Variants in WDFY2 observed in about 807,000 individuals in gnomAD.
The protein encoded by WDFY2 is WD repeat and FYVE domain-containing protein 2.
In WDFY2, 36 loss-of-function variants were observed where a neutral mutation model predicts 56.4. The observed-to-expected ratio is 0.64, with a 90% confidence interval of 0.49 to 0.84. WDFY2 has a LOEUF of 0.84. Ranked by LOEUF, WDFY2 falls within the 40% of genes least tolerant of loss-of-function variation. The pLI, the probability that WDFY2 is intolerant of heterozygous loss-of-function variation, is 0.00. For synonymous variants in WDFY2, 176 were observed against 183.7 expected, an observed-to-expected ratio of 0.96 and a Z score of 0.34; for missense variants, 444 against 512.2, an observed-to-expected ratio of 0.87 and a Z score of 1.29.
chr13:51,591,696 A>G (rs532382650), intron 1 of WDFY2: 2 of 152,314 alleles, frequency 1.3e-5, no homozygotes, highest in African/African-American at 2.4e-5. Flanking sequence ...TTCATGACCC[A>G]CTAAAGGATT....
intron 3 of WDFY2, among the ~76,000 whole-genome samples, chr13:51,693,167 T>G (rs536623434): frequency 2.6e-5 from 4 of 152,234 alleles, no homozygotes; most frequent in Non-Finnish European, 5.9e-5. Context: ...ATTAATTTTT[T>G]GAAGGTTTTT....
At chr13:51,654,542 C>A (rs1566077787) in intron 1 of WDFY2, among the ~76,000 whole-genome samples, 1 of 152,166 alleles carries the variant, frequency 6.6e-6, no homozygotes, top group Non-Finnish European at 1.5e-5. Flanking sequence ...GCCATCTTGG[C>A]TCCACCCAGA....
intron 1 of WDFY2, among the ~76,000 whole-genome samples, chr13:51,637,403 A>G (rs1234172180): frequency 6.6e-6 from 1 of 152,016 alleles, no homozygotes; most frequent in Non-Finnish European, 1.5e-5. Context: ...TGTTTGAAAT[A>G]ATTTTTTTTT....
intron 1 of WDFY2, among the ~76,000 whole-genome samples, chr13:51,630,898 C>T (rs1954939485): frequency 6.6e-6 from 1 of 151,356 alleles, no homozygotes. Flanking sequence ...CCTGCCTCAG[C>T]CTCCCAAGTA....
chr13:51,718,563 C>T (rs1450436701), intron 4 of WDFY2, among the ~76,000 whole-genome samples: 1 of 107,678 alleles, frequency 9.3e-6, no homozygotes, highest in African/African-American at 3.9e-5. Flanking sequence ...CATTCATACA[C>T]ACACACACAC....
rs563274150 is a variant in WDFY2 at position 51,617,074 on chromosome 13, A to G, written c.137+32250A>G. ...CTTAAATTTTTTGAAAATCTCCCCC[A>G]CCTCTCAAACATGTTTATTCCAATT... On this transcript the variant is annotated intron_variant, in intron 1 of 11. Coordinates refer to ENST00000298125, the MANE Select transcript of WDFY2 (RefSeq NM_052950.4). Among the ~76,000 whole-genome samples the G allele has an allele frequency of 2.7e-4, 41 of 152,338 alleles. 1 individual carries two copies. In the Middle Eastern group the frequency reaches 0.024, roughly 88 times the overall value.
intron 4 of WDFY2, among the ~76,000 whole-genome samples, chr13:51,706,746 C>A (rs977334039): frequency 6.6e-5 from 10 of 152,184 alleles, no homozygotes; most frequent in Admixed American, 2.0e-4. Context: ...AAGCTCTTTT[C>A]AGTTAGACGA....
intron 1 of WDFY2, among the ~76,000 whole-genome samples, chr13:51,605,078 G>A (rs75306857): frequency 0.093 from 14,200 of 152,258 alleles, 953 homozygotes; most frequent in Admixed American, 0.2. Flanking sequence ...AAAGAGAGGA[G>A]GGTGAGACAG....
intron 7 of WDFY2, among the ~76,000 whole-genome samples, chr13:51,742,791 T>A (rs1248686936): frequency 2.0e-5 from 3 of 152,170 alleles, no homozygotes; most frequent in African/African-American, 7.2e-5. Context: ...TGAGGCTAGG[T>A]CACAGCCATG....
In WDFY2 at chr13:51,734,417, A is replaced by T. The variant is rs573613362; in HGVS notation, c.599-4632A>T. On this transcript the variant is annotated intron_variant, in intron 6 of 11. Coordinates refer to ENST00000298125, the MANE Select transcript of WDFY2 (RefSeq NM_052950.4). ...TAAAAGTTGAGAAAAATCTAAAAAT[A>T]GTTGAAATAAGATACATACGTGGGA... Among the ~76,000 whole-genome samples, 221 of 152,372 alleles carry T rather than the reference A, an allele frequency of 1.5e-3. 2 individuals are homozygous for T. Among genetic ancestry groups the T allele is most frequent in the Middle Eastern group, 6.8e-3 (2 of 294 alleles).
At chr13:51,738,318 G>A (rs931040493) in intron 6 of WDFY2, among the ~76,000 whole-genome samples, 1 of 152,150 alleles carries the variant, frequency 6.6e-6, no homozygotes, top group Non-Finnish European at 1.5e-5. Context: ...ATATTTTATA[G>A]CCATACCACT....
At chr13:51,612,877 A>G (rs1231241653) in intron 1 of WDFY2, among the ~76,000 whole-genome samples, 1 of 152,250 alleles carries the variant, frequency 6.6e-6, no homozygotes, top group African/African-American at 2.4e-5. Context: ...CTTATTACAG[A>G]GGCAAATCAG....
intron 1 of WDFY2, chr13:51,594,355 T>A (rs1314771898): frequency 6.6e-6 from 1 of 152,250 alleles, no homozygotes; most frequent in African/African-American, 2.4e-5. Flanking sequence ...TGGTTTGAAG[T>A]GTATTTCATT....
chr13:51,645,500 C>T (rs1955247234), intron 1 of WDFY2, among the ~76,000 whole-genome samples: 1 of 152,070 alleles, frequency 6.6e-6, no homozygotes, highest in Non-Finnish European at 1.5e-5. Context: ...GCTTAGCAAC[C>T]TGTGGTATAC....
intron 4 of WDFY2, among the ~76,000 whole-genome samples, chr13:51,710,653 CAGAG>C (rs1280806368): frequency 1.3e-5 from 2 of 152,142 alleles, no homozygotes; most frequent in African/African-American, 2.4e-5. Flanking sequence ...AACAGACAAA[CAGAG>C]AGCCAAATCA....
rs370007552 is a variant in WDFY2 at position 51,602,519 on chromosome 13, CAT to C, written c.137+17696_137+17697del. Among the ~76,000 whole-genome samples the C allele has an allele frequency of 3.9e-3, 597 of 152,312 alleles. 3 individuals are homozygous for C. The highest frequency in any genetic ancestry group is 0.014 in the African/African-American group (564 of 41,562). On this transcript the variant is annotated intron_variant, in intron 1 of 11. Transcript: ENST00000298125. ...AGTTTATTTTTCTCACATAACAAAA[CAT>C]GTGGAAATAGGTGCTCTTAATCTTT... is the stretch of plus-strand genomic sequence containing the variant.
At chr13:51,737,605 T>A (rs1350411400) in intron 6 of WDFY2, among the ~76,000 whole-genome samples, 1 of 132,332 alleles carries the variant, frequency 7.6e-6, no homozygotes, top group East Asian at 2.3e-4. Context: ...GAGTGATGAG[T>A]GTAGTCAAGG....
rs570639867 is a variant in WDFY2 at position 51,671,588 on chromosome 13, G to A, written c.206-3582G>A. Among the ~76,000 whole-genome samples the A allele has an allele frequency of 2.4e-3, 361 of 152,026 alleles. 1 individual carries two copies. Among genetic ancestry groups the A allele is most frequent in the Admixed American group, 4.4e-3 (67 of 15,262 alleles). On this transcript the variant is annotated intron_variant, in intron 2 of 11. Coordinates refer to ENST00000298125, the MANE Select transcript of WDFY2 (RefSeq NM_052950.4). ...TGTGTGTGTGTGCTAATTTGTTTGA[G>A]TTCCTTGTAGATTCTGCATATTAGT... is the stretch of plus-strand genomic sequence containing the variant.
chr13:51,756,968 C>A (rs1432502096), intron 10 of WDFY2, among the ~76,000 whole-genome samples: 1 of 152,170 alleles, frequency 6.6e-6, no homozygotes, highest in Non-Finnish European at 1.5e-5. Flanking sequence ...AGGTTACTTA[C>A]CCCTTGGTGT....
Sources: gnomAD v4.1 joint callset for allele counts (sites outside exome capture counted in the v4.1 genomes callset) on GRCh38, gnomAD v4.1.1 for gene constraint, MANE v1.5 for transcripts, NCBI Gene and HGNC (gene_info 2026-07-23, HGNC 2026-07-21) for gene names.